The following PTK2B variants were observed in gnomAD, a reference collection of about 807,000 sequenced individuals.
PTK2B encodes protein-tyrosine kinase 2-beta.
PTK2B carries 71 observed loss-of-function variants against 142.9 expected under a neutral mutation model. The ratio of observed to expected loss-of-function variants is 0.50; its 90% CI spans 0.41 to 0.61. PTK2B has a LOEUF of 0.61. Ranked by LOEUF, PTK2B falls within the 20% of genes least tolerant of loss-of-function variation. The pLI, the probability that PTK2B is intolerant of heterozygous loss-of-function variation, is 0.00. For synonymous variants in PTK2B, 519 were observed against 503.4 expected, an observed-to-expected ratio of 1.03 and a Z score of -0.42; for missense variants, 1,105 against 1,320.4, an observed-to-expected ratio of 0.84 and a Z score of 2.53.
chr8:27,320,471 G>A (rs555853118), intron 3 of PTK2B, among the ~76,000 whole-genome samples: 97 of 152,258 alleles, frequency 6.4e-4, no homozygotes, highest in African/African-American at 2.2e-3. Flanking sequence ...AGCAAGTCCC[G>A]GGTTGTGGCC....
chr8:27,447,478 C>T (rs1811540501), intron 24 of PTK2B, among the ~76,000 whole-genome samples: 1 of 152,210 alleles, frequency 6.6e-6, no homozygotes, highest in Non-Finnish European at 1.5e-5. Flanking sequence ...TATAGCCTGA[C>T]TCATCAGGGA....
At chr8:27,418,252 G>C (rs1278048092) in intron 2 of PTK2B, among the ~76,000 whole-genome samples, 1 of 152,204 alleles carries the variant, frequency 6.6e-6, no homozygotes, top group Non-Finnish European at 1.5e-5. Context: ...ACTCCCTGGA[G>C]TCCAGAAGGG....
chr8:27,430,937 A>G lies in PTK2B; in HGVS notation c.731A>G (p.Glu244Gly). The G allele has an allele frequency of 6.2e-7, 1 of 1,614,174 alleles. No homozygotes were observed. The highest frequency in any genetic ancestry group is 8.5e-7 in the Non-Finnish European group (1 of 1,180,032). Residue 244 changes from glutamate to glycine, a missense_variant, in exon 8 of 31, where the codon GAG becomes GGG. Transcript: ENST00000346049. ...TFQQYASLRE[E>G]ECVMKFFNTL... ...CAGCAGTACGCCTCGCTCAGGGAGG[A>G]GGAGTGCGTCATGAAGTTCTTCAAC...
In PTK2B at chr8:27,445,877, A is replaced by G. The variant is rs1811440473; in HGVS notation, c.2298A>G (p.Pro766=). The G allele has an allele frequency of 1.2e-6, 2 of 1,613,326 alleles. No individual in the cohort carries two copies. Among genetic ancestry groups the G allele is most frequent in the Non-Finnish European group, 1.7e-6 (2 of 1,179,926 alleles). Residue 766 remains proline, a synonymous_variant, in exon 24 of 31, where the codon CCA becomes CCG. Coordinates refer to ENST00000346049, the MANE Select transcript of PTK2B (RefSeq NM_173176.3). ...CTCCCGTTAACTCACTGCACACCCC[A>G]CCTCTCCACCGGCACAATGTCTTCA... is the stretch of plus-strand genomic sequence containing the variant. ...YPSPVNSLHT[P]PLHRHNVFKR...
At chr8:27,423,749 C>A (rs772333110) in intron 5 of PTK2B, among the ~76,000 whole-genome samples, 3 of 152,112 alleles carry the variant, frequency 2.0e-5, no homozygotes, top group Non-Finnish European at 2.9e-5. Context: ...GGGAGTCCTC[C>A]GGTGGGGCCA....
At chr8:27,361,224 T>C (rs1374713482) in intron 1 of PTK2B, among the ~76,000 whole-genome samples, 1 of 152,176 alleles carries the variant, frequency 6.6e-6, no homozygotes, top group Non-Finnish European at 1.5e-5. Context: ...GTTTCCTTTT[T>C]GTTTGTTTAT....
At chr8:27,434,953 T>C (rs1369091405) in intron 13 of PTK2B, among the ~76,000 whole-genome samples, 1 of 151,810 alleles carries the variant, frequency 6.6e-6, no homozygotes, top group African/African-American at 2.4e-5. Context: ...TGAGCTGAGA[T>C]GGCACCACTG....
chr8:27,364,563 A>T lies in PTK2B; in HGVS notation c.-37-32985A>T, dbSNP rs112049021. Among the ~76,000 whole-genome samples the T allele has an allele frequency of 7.2e-3, 1,095 of 152,288 alleles. 12 individuals carry two copies. The highest frequency in any genetic ancestry group is 0.024 in the African/African-American group (983 of 41,548). On this transcript the variant is annotated intron_variant, in intron 1 of 30. Transcript: ENST00000346049. ...AGAGATATGGAGGTGTGAGGCGGGG[A>T]GACATTCGCTCAGTACTGCAGGGAC...
intron 1 of PTK2B, among the ~76,000 whole-genome samples, chr8:27,395,378 T>A (rs943963442): frequency 1.3e-5 from 2 of 152,242 alleles, no homozygotes; most frequent in African/African-American, 4.8e-5. Flanking sequence ...CACCATTGCC[T>A]GAAACATGAT....
rs760148550 is a variant in PTK2B, at chr8:27,458,303, A to T, written c.2824A>T (p.Thr942Ser). 1 of 1,614,000 alleles carries T rather than the reference A, an allele frequency of 6.2e-7. No individual in the cohort carries two copies. Among genetic ancestry groups the T allele is most frequent in the South Asian group, 1.1e-5 (1 of 91,046 alleles). Reference protein sequence around the residue: ...PSSSRTEIEGTQKLLNKDLAE... With the variant: ...PSSSRTEIEGSQKLLNKDLAE... ...TGTGATCTTCCTACAGATCGAGGGCACCCAGAAACTGCTCAACAAAGACCT... is the reference window on the plus strand; with the variant it reads ...TGTGATCTTCCTACAGATCGAGGGCTCCCAGAAACTGCTCAACAAAGACCT... Residue 942 changes from threonine to serine, a missense_variant, in exon 31 of 31, where the codon ACC (threonine) becomes TCC (serine). Thr to Ser is a moderately conservative substitution (Grantham distance 58, BLOSUM62 1). Transcript: ENST00000346049.
At chr8:27,349,080 G>A (rs888378580) in intron 1 of PTK2B, among the ~76,000 whole-genome samples, 55 of 152,120 alleles carry the variant, frequency 3.6e-4, no homozygotes, top group African/African-American at 1.3e-3. Context: ...CCAAACAGAG[G>A]GGACTGAGGC....
chr8:27,341,695 A>G (rs1419716103), intron 1 of PTK2B, among the ~76,000 whole-genome samples: 1 of 152,020 alleles, frequency 6.6e-6, no homozygotes, highest in Non-Finnish European at 1.5e-5. Context: ...TTTGTTTCTG[A>G]CAGGGTCTTG....
At chr8:27,438,653 C>T (rs1297562924) in intron 18 of PTK2B, among the ~76,000 whole-genome samples, 1 of 152,208 alleles carries the variant, frequency 6.6e-6, no homozygotes, top group Non-Finnish European at 1.5e-5. Flanking sequence ...AGGTGACAGC[C>T]TCCCTGGCAT....
chr8:27,457,691 A>G (rs760053651), intron 30 of PTK2B, among the ~76,000 whole-genome samples: 34 of 152,172 alleles, frequency 2.2e-4, no homozygotes, highest in South Asian at 4.1e-4. Flanking sequence ...CCTTCAGTGG[A>G]TGGCTGGGTG....
At chr8:27,419,297 T>C (rs1397785574) in intron 2 of PTK2B, among the ~76,000 whole-genome samples, 2 of 152,218 alleles carry the variant, frequency 1.3e-5, no homozygotes, top group African/African-American at 4.8e-5. Flanking sequence ...AAGTGAATCT[T>C]GTCCTTATCT....
At chr8:27,376,311 G>A (rs1806667465) in intron 1 of PTK2B, among the ~76,000 whole-genome samples, 1 of 152,260 alleles carries the variant, frequency 6.6e-6, no homozygotes, top group African/African-American at 2.4e-5. Context: ...GACTTCTGGT[G>A]ATCATCACTG....
At chr8:27,320,391 T>C (rs1803185104) in intron 3 of PTK2B, among the ~76,000 whole-genome samples, 1 of 152,072 alleles carries the variant, frequency 6.6e-6, no homozygotes, top group South Asian at 2.1e-4. Context: ...TCCCACAGGC[T>C]AAGGGCTCAG....
chr8:27,317,852 C>T (rs753745645), intron 3 of PTK2B, among the ~76,000 whole-genome samples: 2 of 152,158 alleles, frequency 1.3e-5, no homozygotes, highest in Non-Finnish European at 2.9e-5. Flanking sequence ...TATAAAGACA[C>T]TGGAGTGGTA....
chr8:27,412,360 G>A lies in PTK2B; in HGVS notation c.205-7535G>A, dbSNP rs190093582. Among the ~76,000 whole-genome samples the A allele has an allele frequency of 6.6e-5, 10 of 152,236 alleles. No homozygotes were observed. In the East Asian group the frequency reaches 1.9e-3, roughly 29 times the overall value. ...CACCATGAATCACCTCATTAGTATA[G>A]ATTCAGGTGTAGTCTGAGGAACCCA... is the stretch of plus-strand genomic sequence containing the variant. On this transcript the variant is annotated intron_variant, in intron 2 of 30. Coordinates refer to ENST00000346049, the MANE Select transcript of PTK2B (RefSeq NM_173176.3).
Sources: gnomAD v4.1 joint callset for allele counts (sites outside exome capture counted in the v4.1 genomes callset) on GRCh38, gnomAD v4.1.1 for gene constraint, MANE v1.5 for transcripts, NCBI Gene and HGNC (gene_info 2026-07-23, HGNC 2026-07-21) for gene names.